CEP131: variants seen among roughly 807,000 people sequenced by gnomAD.
CEP131 encodes centrosomal protein 131.
A neutral mutation model predicts 136.8 loss-of-function variants in CEP131; 99 were observed. That is an observed-to-expected ratio of 0.72 (90% CI 0.62 to 0.86). The LOEUF (loss-of-function observed/expected upper bound fraction) is 0.86. Ranked by LOEUF, CEP131 falls within the 40% of genes least tolerant of loss-of-function variation. The pLI is 0.00. For synonymous variants in CEP131, 646 were observed against 612.7 expected (o/e 1.05, Z -0.80); for missense variants, 1,459 against 1,463.0 (o/e 1.00, Z 0.04).
At position 81,197,519 on chromosome 17, in the gene CEP131, GTGCTGCATAACT is replaced by G. The variant is rs1254167405; in HGVS notation, c.1647+181_1647+192del. 8.6e-5 allele frequency: 71 copies of G among 820,942 alleles called. No individual in the cohort carries two copies. In the African/African-American group the frequency reaches 1.2e-3, roughly 14 times the overall value. The allele number at this position is 820,942 out of a possible 1,614,324, so 50.9% of individuals were successfully genotyped here. Reference sequence around the variant, plus strand: ...CTCCACCCTGAGAGACCCGTGGGGGGTGCTGCATAACTAGGTGGGTACATGGTGAGGGACCAC... The same window carrying G: ...CTCCACCCTGAGAGACCCGTGGGGGGAGGTGGGTACATGGTGAGGGACCAC... On this transcript the variant is annotated intron_variant, in intron 13 of 25. Transcript: ENST00000450824.
chr17:81,222,158 G>C (rs2062402511), intron 1 of CEP131, among the ~76,000 whole-genome samples: 2 of 152,350 alleles, frequency 1.3e-5, no homozygotes, highest in South Asian at 2.1e-4. Flanking sequence ...ATGGCGAACG[G>C]GGCCTCTCCA....
At chr17:81,206,690 C>T (rs1227084946) in intron 5 of CEP131, 54 bp downstream of exon 5, 1 of 1,553,178 alleles carries the variant, frequency 6.4e-7, no homozygotes, top group Non-Finnish European at 8.7e-7. Context: ...CACACAGTCT[C>T]CACTCCAGGA....
rs569980990 is a variant in CEP131 at position 81,216,456 on chromosome 17, G to T, written c.177+3424C>A. ...TGAGGTAAGAGGATCACTTGTGTCC[G>T]GGAGGTGGAGGCTGCAGTAAGCTGT... is the stretch of plus-strand genomic sequence containing the variant. On this transcript the variant is annotated intron_variant, in intron 2 of 25. Coordinates refer to ENST00000450824, the MANE Select transcript of CEP131 (RefSeq NM_014984.4). 3.3e-5 allele frequency among the ~76,000 whole-genome samples: 5 copies of T among 152,310 alleles called. No individual in the cohort carries two copies. The South Asian group carries it at 1.0e-3, about 32-fold the overall frequency.
At chr17:81,212,721 G>A (rs1004542905) in intron 2 of CEP131, among the ~76,000 whole-genome samples, 3 of 151,622 alleles carry the variant, frequency 2.0e-5, no homozygotes, top group African/African-American at 4.9e-5. Context: ...GACAGCAGAC[G>A]ATGGGGCCGC....
chr17:81,220,046 G>C lies in CEP131; in HGVS notation c.11C>G (p.Thr4Ser). The change falls in exon 2 of 26, where the codon ACC becomes AGC. Residue 4 changes from threonine to serine, a missense_variant. Coordinates refer to ENST00000450824, the MANE Select transcript of CEP131 (RefSeq NM_014984.4). MKG[T>S]RAIGSVPERS... ...CTCCGGGACGCTGCCGATGGCCCGG[G>C]TGCCTTTCATGGTGGACAAGGCAGG... 1 of 1,585,904 alleles carries C rather than the reference G, an allele frequency of 6.3e-7. No homozygotes were observed. The highest frequency in any genetic ancestry group is 8.6e-7 in the Non-Finnish European group (1 of 1,167,392).
At chr17:81,190,870 T>C in intron 23 of CEP131, 37 bp downstream of exon 23, 1 of 1,594,348 alleles carries the variant, frequency 6.3e-7, no homozygotes, top group Non-Finnish European at 8.5e-7. Context: ...GAGGGGCCTG[T>C]GGGTGCCCAC....
At chr17:81,206,484 C>A (rs949207314) in intron 5 of CEP131, among the ~76,000 whole-genome samples, 1 of 152,198 alleles carries the variant, frequency 6.6e-6, no homozygotes, top group Non-Finnish European at 1.5e-5. Context: ...CAGGCCCCAC[C>A]CTCTCAGCCC....
At chr17:81,214,166 T>C (rs1039640427) in intron 2 of CEP131, among the ~76,000 whole-genome samples, 4 of 152,222 alleles carry the variant, frequency 2.6e-5, no homozygotes, top group African/African-American at 9.6e-5. Flanking sequence ...TGTAAGATAT[T>C]CAAATAGCAG....
chr17:81,216,175 C>T (rs1359736898), intron 2 of CEP131, among the ~76,000 whole-genome samples: 1 of 152,124 alleles, frequency 6.6e-6, no homozygotes, highest in Non-Finnish European at 1.5e-5. Context: ...GCCTGACCAA[C>T]ATGGCGAAAC....
At chr17:81,221,796 G>C (rs755532378) in intron 1 of CEP131, among the ~76,000 whole-genome samples, 3 of 152,218 alleles carry the variant, frequency 2.0e-5, no homozygotes, top group Non-Finnish European at 4.4e-5. Flanking sequence ...GTAGATGAAC[G>C]GGAGAAGCTG....
intron 2 of CEP131, among the ~76,000 whole-genome samples, chr17:81,217,453 G>A (rs1174996934): frequency 6.6e-6 from 1 of 151,992 alleles, no homozygotes; most frequent in Non-Finnish European, 1.5e-5. Context: ...TTGTACAGGT[G>A]TGAAGCCATG....
intron 5 of CEP131, among the ~76,000 whole-genome samples, chr17:81,204,726 GCACCTGCACCGGACCA>G (rs112222751): frequency 0.016 from 2,456 of 151,570 alleles, 58 homozygotes; most frequent in African/African-American, 0.048. Context: ...GCACCAGCCT[GCACCTGCACCGGACCA>G]CACCTGCACC....
chr17:81,221,139 A>AC (rs1408079046), intron 1 of CEP131, among the ~76,000 whole-genome samples: 3 of 151,234 alleles, frequency 2.0e-5, no homozygotes, highest in Admixed American at 6.6e-5. Flanking sequence ...AAAAAAAAAA[A>AC]AAAAAAACGC....
intron 17 of CEP131, among the ~76,000 whole-genome samples, 191 bp from the exon 18 acceptor site, chr17:81,194,318 C>T (rs995070131): frequency 2.0e-5 from 3 of 152,190 alleles, no homozygotes; most frequent in Admixed American, 6.5e-5. Context: ...AGGGCCACGG[C>T]GCCTCTCCCA....
rs2061950382 is a variant in CEP131, at chr17:81,203,980, G to A, written c.516-373C>T. 1 of 208,020 alleles carries A rather than the reference G, an allele frequency of 4.8e-6. No individual in the cohort carries two copies. 12.9% of individuals were successfully genotyped at this position (208,020 alleles called of 1,614,324 possible). On this transcript the variant is annotated intron_variant, in intron 5 of 25. Coordinates refer to ENST00000450824, the MANE Select transcript of CEP131 (RefSeq NM_014984.4). The surrounding 1 kb of genome is among the most constrained non-coding windows in gnomAD (Gnocchi z 4.6). ...GATGGAAGCCACATTCTCTGCCTCTGCCCCTCCGCAGACCCGCAGGAAGGC... is the reference window on the plus strand; with the variant it reads ...GATGGAAGCCACATTCTCTGCCTCTACCCCTCCGCAGACCCGCAGGAAGGC...
intron 2 of CEP131, among the ~76,000 whole-genome samples, chr17:81,209,532 T>A: frequency 1.3e-5 from 2 of 149,238 alleles, no homozygotes; most frequent in Non-Finnish European, 1.5e-5. Flanking sequence ...TGGAAAGGGG[T>A]GGAGGGGAGG....
chr17:81,221,845 G>A (rs924936593), intron 1 of CEP131, among the ~76,000 whole-genome samples: 2 of 152,126 alleles, frequency 1.3e-5, no homozygotes, highest in Admixed American at 6.5e-5. Context: ...TCCCTGCCAC[G>A]GTGGCCTCCA....
chr17:81,213,620 AAAT>A (rs1226633943), intron 2 of CEP131, among the ~76,000 whole-genome samples: 1 of 152,016 alleles, frequency 6.6e-6, no homozygotes, highest in Admixed American at 6.6e-5. Flanking sequence ...GAAGAATTCC[AAAT>A]AACTTCTATA....
At position 81,219,883 on chromosome 17, in the gene CEP131, C is replaced by T. The variant is rs746054128; in HGVS notation, c.174G>A (p.Val58=). The T allele has an allele frequency of 1.2e-6, 2 of 1,603,882 alleles. No individual in the cohort carries two copies. The highest frequency in any genetic ancestry group is 1.7e-6 in the Non-Finnish European group (2 of 1,175,004). ...VVTGSEQKRK[V]LEATGPGGSQ... Reference sequence around the variant, plus strand: ...ACTCCTAGGCCACAGTACTCACCAGCACCTTCCTCTTCTGCTCGCTGCCTG... The same window carrying T: ...ACTCCTAGGCCACAGTACTCACCAGTACCTTCCTCTTCTGCTCGCTGCCTG... Residue 58 remains valine (V), a synonymous_variant, in exon 2 of 26, where the codon GTG becomes GTA. Transcript: ENST00000450824. This position sits in a 1 kb window ranked among gnomAD's most constrained non-coding sequence, Gnocchi z 4.0.
Sources: gnomAD v4.1 joint callset for allele counts (sites outside exome capture counted in the v4.1 genomes callset) on GRCh38, gnomAD v4.1.1 for gene constraint, Gnocchi (gnomAD v3.1) non-coding constraint, MANE v1.5 for transcripts, NCBI Gene and HGNC (gene_info 2026-07-23, HGNC 2026-07-21) for gene names.